The following YARS2 variants were observed in gnomAD, a reference collection of about 807,000 sequenced individuals.
YARS2 encodes tyrosine--tRNA ligase, mitochondrial.
In YARS2, 38 loss-of-function variants were observed where a neutral mutation model predicts 45.0. That is an observed-to-expected ratio of 0.84 (90% CI 0.65 to 1.11). The LOEUF (loss-of-function observed/expected upper bound fraction) is 1.11. Among genes scored for constraint, YARS2 ranks in the 50% least tolerant of loss-of-function variants. The pLI is 0.00. For synonymous variants in YARS2, 287 were observed against 245.1 expected, an observed-to-expected ratio of 1.17 and a Z score of -1.60; for missense variants, 602 against 599.8, an observed-to-expected ratio of 1.00 and a Z score of -0.04.
chr12:32,752,451 A>T (rs1200127965), intron 2 of YARS2, among the ~76,000 whole-genome samples: 2 of 152,126 alleles, frequency 1.3e-5, no homozygotes, highest in African/African-American at 4.8e-5. Context: ...GCAATTTTTG[A>T]AAAGATTATC....
intron 4 of YARS2, among the ~76,000 whole-genome samples, chr12:32,749,024 T>G (rs1955690941): frequency 6.6e-6 from 1 of 152,186 alleles, no homozygotes; most frequent in Non-Finnish European, 1.5e-5. Flanking sequence ...TCATAACTGA[T>G]TAATTAAAAT....
At chr12:32,751,983 T>C (rs1287917252) in intron 2 of YARS2, among the ~76,000 whole-genome samples, 1 of 152,218 alleles carries the variant, frequency 6.6e-6, no homozygotes, top group Non-Finnish European at 1.5e-5. Flanking sequence ...GCGTTATCAC[T>C]GCCTTCAGTA....
intron 2 of YARS2, among the ~76,000 whole-genome samples, chr12:32,751,076 T>TC (rs2137653321): frequency 6.6e-6 from 1 of 151,864 alleles, no homozygotes; most frequent in East Asian, 1.9e-4. Flanking sequence ...AATTTCTTTT[T>TC]TTTTTTTTTG....
rs773980984 is a variant in YARS2 at position 32,755,468 on chromosome 12, C to T, written c.407G>A (p.Arg136His). ...CAGAGCTCGCGCGTTGGCTCGCACG[C>T]GCTCTGTCTCCAGCGCCTCGCGTTC... ...TKEREALETE[R>H]VRANARALRL... The change falls in exon 1 of 5, where the codon CGC becomes CAC. Residue 136 changes from arginine (R) to histidine (H), a missense_variant. Coordinates refer to ENST00000324868, the MANE Select transcript of YARS2 (RefSeq NM_001040436.3). 10 of 1,612,290 alleles carry T rather than the reference C, an allele frequency of 6.2e-6. No homozygotes were observed. In the East Asian group the frequency reaches 2.2e-4, roughly 36 times the overall value.
chr12:32,749,026 A>G (rs915578193), intron 4 of YARS2, among the ~76,000 whole-genome samples: 1 of 152,214 alleles, frequency 6.6e-6, no homozygotes, highest in African/African-American at 2.4e-5. Context: ...ATAACTGATT[A>G]ATTAAAATAT....
intron 4 of YARS2, 122 bp from the exon 5 acceptor site, chr12:32,747,485 G>T: frequency 1.1e-6 from 1 of 945,324 alleles, no homozygotes; most frequent in Non-Finnish European, 1.7e-6. Flanking sequence ...TTTGGCACTG[G>T]ACTGTTACCT....
intron 2 of YARS2, chr12:32,752,880 C>T (rs1299359577): frequency 3.5e-6 from 1 of 285,968 alleles, no homozygotes; most frequent in Non-Finnish European, 7.2e-6. Context: ...GCATGATAAT[C>T]TTCCACTCTG....
In YARS2 at chr12:32,746,848, T is replaced by C. The variant is rs888619490; in HGVS notation, c.*356A>G. The C allele has an allele frequency of 1.2e-5, 3 of 241,160 alleles. No individual in the cohort carries two copies. The highest frequency in any genetic ancestry group is 7.0e-5 in the African/African-American group (3 of 42,736). The allele number at this position is 241,160 out of a possible 1,614,324, so 14.9% of individuals were successfully genotyped here. On this transcript the variant is annotated 3_prime_UTR_variant, in exon 5 of 5. Coordinates refer to ENST00000324868, the MANE Select transcript of YARS2 (RefSeq NM_001040436.3). Reference sequence around the variant, plus strand: ...CCACCATGCCCAGCCTCACAATTCCTTACACTACCTCTTTTTCATTGTTCC... The same window carrying C: ...CCACCATGCCCAGCCTCACAATTCCCTACACTACCTCTTTTTCATTGTTCC...
In YARS2 at chr12:32,755,368, A is replaced by C; in HGVS notation, c.507T>G (p.Thr169=). The change falls in exon 1 of 5, where the codon ACT becomes ACG. Residue 169 remains threonine (T), a synonymous_variant. Transcript: ENST00000324868. ...FTDGRSWGSF[T]VLDNSAWYQK... Reference sequence around the variant, plus strand: ...GGTACCAGGCCGAGTTGTCCAGCACAGTGAAGCTGCCCCAGGAGCGCCCAT... The same window carrying C: ...GGTACCAGGCCGAGTTGTCCAGCACCGTGAAGCTGCCCCAGGAGCGCCCAT... The C allele has an allele frequency of 2.5e-6, 4 of 1,614,062 alleles. No homozygotes were observed. The highest frequency in any genetic ancestry group is 2.2e-5 in the East Asian group (1 of 44,870).
chr12:32,748,126 AAAATT>A (rs1480174705), intron 4 of YARS2, among the ~76,000 whole-genome samples: 1 of 152,166 alleles, frequency 6.6e-6, no homozygotes, highest in Non-Finnish European at 1.5e-5. Flanking sequence ...GTTACCAAAT[AAAATT>A]AAGAAACCAC....
chr12:32,753,116 C>T (rs1031257970), intron 2 of YARS2, among the ~76,000 whole-genome samples: 1 of 151,852 alleles, frequency 6.6e-6, no homozygotes, highest in African/African-American at 2.4e-5. Context: ...GAGTCTGAGA[C>T]CAGCCTGGGG....
At chr12:32,755,020 C>A (rs1209654144) in intron 1 of YARS2, 76 bp downstream of exon 1, 1 of 1,588,398 alleles carries the variant, frequency 6.3e-7, no homozygotes, top group Non-Finnish European at 8.6e-7. Context: ...CAACTACAAT[C>A]CTAAGAGTGA....
chr12:32,748,795 T>C (rs1039488594), intron 4 of YARS2, among the ~76,000 whole-genome samples: 5 of 148,422 alleles, frequency 3.4e-5, no homozygotes, highest in African/African-American at 1.3e-4. Context: ...TCCAAGACAG[T>C]TGAAAGAGAA....
intron 2 of YARS2, among the ~76,000 whole-genome samples, chr12:32,751,077 T>TC (rs1955735252): frequency 1.3e-5 from 2 of 151,902 alleles, no homozygotes; most frequent in East Asian, 3.9e-4. Context: ...ATTTCTTTTT[T>TC]TTTTTTTTGA....
intron 2 of YARS2, 80 bp from the exon 3 acceptor site, chr12:32,750,954 T>C: frequency 6.6e-7 from 1 of 1,516,360 alleles, no homozygotes; most frequent in Non-Finnish European, 9.0e-7. Context: ...TTTAAGGTTA[T>C]CCTGCTTACT....
chr12:32,750,417 G>C (rs541836600), intron 3 of YARS2, among the ~76,000 whole-genome samples: 24 of 152,178 alleles, frequency 1.6e-4, no homozygotes, highest in Admixed American at 4.6e-4. Context: ...TGGTCAGGCT[G>C]GTCTCGAACT....
chr12:32,755,159 C>T lies in YARS2; in HGVS notation c.716G>A (p.Arg239Lys). ...FYYLFQRYGC[R>K]VQLGGSDQLG... ...TTGATCAGATCCGCCCAGCTGGACC[C>T]TGCATCCATAACGCTGGAAGAGGTA... Residue 239 changes from arginine (R) to lysine (K), a missense_variant, in exon 1 of 5, where the codon AGG becomes AAG. By Grantham distance (26) the Arg-to-Lys change is conservative (BLOSUM62 2). Transcript: ENST00000324868. 1 of 1,614,220 alleles carries T rather than the reference C, an allele frequency of 6.2e-7. No homozygotes were observed. Among genetic ancestry groups the T allele is most frequent in the Non-Finnish European group, 8.5e-7 (1 of 1,180,050 alleles).
intron 2 of YARS2, among the ~76,000 whole-genome samples, chr12:32,751,075 T>TTC (rs1236699352): frequency 1.3e-5 from 2 of 151,622 alleles, no homozygotes; most frequent in Non-Finnish European, 2.9e-5. Context: ...CAATTTCTTT[T>TTC]TTTTTTTTTT....
rs189535831 is a variant in YARS2, at chr12:32,752,476, C to T, written c.947+1442G>A. On this transcript the variant is annotated intron_variant, in intron 2 of 4. Transcript: ENST00000324868. ...AAAAGATTATCTAAATTCTCTAGGCCGGGTGCGGTAGCTCAAGCCTGTAAT... is the reference window on the plus strand; with the variant it reads ...AAAAGATTATCTAAATTCTCTAGGCTGGGTGCGGTAGCTCAAGCCTGTAAT... 3.9e-3 allele frequency among the ~76,000 whole-genome samples: 586 copies of T among 152,074 alleles called. 2 individuals are homozygous for T. Among genetic ancestry groups the T allele is most frequent in the Middle Eastern group, 0.02 (6 of 294 alleles).
Sources: gnomAD v4.1 joint callset for allele counts (sites outside exome capture counted in the v4.1 genomes callset) on GRCh38, gnomAD v4.1.1 for gene constraint, MANE v1.5 for transcripts, NCBI Gene and HGNC (gene_info 2026-07-23, HGNC 2026-07-21) for gene names.